The following DOCK5 variants were observed in gnomAD, a reference collection of about 807,000 sequenced individuals.
DOCK5 encodes the protein dedicator of cytokinesis 5, also known as dedicator of cytokinesis protein 5.
In DOCK5, 142 loss-of-function variants were observed where a neutral mutation model predicts 251.8. The ratio of observed to expected loss-of-function variants is 0.56; its 90% CI spans 0.49 to 0.65. The LOEUF (loss-of-function observed/expected upper bound fraction) is 0.65. Ranked by LOEUF, DOCK5 falls within the 30% of genes least tolerant of loss-of-function variation. The pLI is 0.00. For synonymous variants in DOCK5, 842 were observed against 835.5 expected (o/e 1.01, Z -0.13); for missense variants, 2,111 against 2,312.3 (o/e 0.91, Z 1.79).
chr8:25,385,838 A>G (rs944317628), intron 40 of DOCK5, among the ~76,000 whole-genome samples: 3 of 152,306 alleles, frequency 2.0e-5, no homozygotes, highest in Admixed American at 1.3e-4. Context: ...TTGGGGATGG[A>G]GTTACAATTT....
intron 6 of DOCK5, 122 bp downstream of exon 6, chr8:25,292,294 C>G: frequency 8.8e-7 from 1 of 1,137,322 alleles, no homozygotes; most frequent in Non-Finnish European, 1.2e-6. Flanking sequence ...GCTTACTGCT[C>G]TCATTTTGTC....
chr8:25,403,834 T>C, intron 48 of DOCK5, 110 bp downstream of exon 48: 1 of 1,139,078 alleles, frequency 8.8e-7, no homozygotes, highest in Non-Finnish European at 1.2e-6. Context: ...GTCATTCTCA[T>C]TGTCTTCCTC....
intron 3 of DOCK5, among the ~76,000 whole-genome samples, chr8:25,270,510 C>G (rs934653095): frequency 1.3e-5 from 2 of 152,010 alleles, no homozygotes; most frequent in South Asian, 4.2e-4. Flanking sequence ...AGTAAGAATA[C>G]TTATGTCACT....
intron 1 of DOCK5, among the ~76,000 whole-genome samples, chr8:25,218,883 G>A (rs1677330437): frequency 6.6e-6 from 1 of 152,196 alleles, no homozygotes; most frequent in African/African-American, 2.4e-5. Context: ...TCAAAATAAT[G>A]CATGCATATA....
rs1015641883 is a variant in DOCK5, at chr8:25,413,560, T to C, written c.*2262T>C. 2.0e-5 allele frequency: 3 copies of C among 152,162 alleles called. No individual in the cohort carries two copies. Among genetic ancestry groups the C allele is most frequent in the African/African-American group, 7.2e-5 (3 of 41,428 alleles). 9.4% of individuals were successfully genotyped at this position (152,162 alleles called of 1,614,324 possible). A position where few individuals can be genotyped will look rare whatever the true frequency, so the allele number is the denominator to read the frequency against. ...GGGGATTTGTGTGCCACACTCTACT[T>C]GCCGGGCTGCCATTAAAATAGAAAG... On this transcript the variant is annotated 3_prime_UTR_variant, in exon 52 of 52. Transcript: ENST00000276440.
intron 1 of DOCK5, among the ~76,000 whole-genome samples, chr8:25,234,371 T>A (rs1563318375): frequency 6.6e-6 from 1 of 152,208 alleles, no homozygotes. Context: ...TCACCTTTTG[T>A]TTCATAAGGA....
chr8:25,330,720 A>T (rs1805662247), intron 18 of DOCK5, among the ~76,000 whole-genome samples: 1 of 152,182 alleles, frequency 6.6e-6, no homozygotes, highest in African/African-American at 2.4e-5. Context: ...TATTTATGAA[A>T]AATACATGTG....
At chr8:25,357,078 G>T (rs560601385) in intron 27 of DOCK5, among the ~76,000 whole-genome samples, 1 of 151,820 alleles carries the variant, frequency 6.6e-6, no homozygotes, top group East Asian at 1.9e-4. Context: ...AATGAGTAAA[G>T]AATGGGTGCA....
intron 12 of DOCK5, among the ~76,000 whole-genome samples, chr8:25,309,652 T>C (rs1805039021): frequency 6.6e-6 from 1 of 152,212 alleles, no homozygotes; most frequent in Non-Finnish European, 1.5e-5. Flanking sequence ...TAGTTTTTAG[T>C]ATCTCCATAT....
chr8:25,378,477 GT>G (rs1586377813), intron 38 of DOCK5, among the ~76,000 whole-genome samples: 1 of 152,314 alleles, frequency 6.6e-6, no homozygotes, highest in East Asian at 1.9e-4. Flanking sequence ...ATTTTGAAGT[GT>G]TTCCCAATGG....
chr8:25,400,569 A>AT (rs1437030768), intron 46 of DOCK5, among the ~76,000 whole-genome samples: 2 of 150,340 alleles, frequency 1.3e-5, no homozygotes, highest in Non-Finnish European at 3.0e-5. Context: ...TGCTGGCCTC[A>AT]TTTTTTTCTC....
chr8:25,373,053 G>A (rs1339463996), intron 35 of DOCK5, among the ~76,000 whole-genome samples: 3 of 149,948 alleles, frequency 2.0e-5, no homozygotes, highest in South Asian at 4.2e-4. Context: ...GGGCTGGAGT[G>A]CAGTGGTGCG....
At chr8:25,251,983 ACT>A (rs890742667) in intron 2 of DOCK5, among the ~76,000 whole-genome samples, 8 of 113,206 alleles carry the variant, frequency 7.1e-5, no homozygotes, top group African/African-American at 2.9e-4. Context: ...ACACAGCAAG[ACT>A]CTATCTCAAA....
rs1586403373 is a variant in DOCK5 at position 25,408,288 on chromosome 8, T to C, written c.5265+134T>C. ...TTCAGGACTCAGCAGCCTGGGTTAG[T>C]GTCAGGTCGCAGATTGTGGTAAGGA... On this transcript the variant is annotated intron_variant, in intron 49 of 51. Coordinates refer to ENST00000276440, the MANE Select transcript of DOCK5 (RefSeq NM_024940.8). 1.6e-5 allele frequency: 15 copies of C among 966,148 alleles called. No individual in the cohort carries two copies. In the East Asian group the frequency reaches 3.7e-4, roughly 24 times the overall value. The allele number at this position is 966,148 out of a possible 1,614,324, so 59.8% of individuals were successfully genotyped here. A position where few individuals can be genotyped will look rare whatever the true frequency, so the allele number is the denominator to read the frequency against.
At chr8:25,392,491 T>C (rs1245126631) in intron 43 of DOCK5, among the ~76,000 whole-genome samples, 1 of 151,944 alleles carries the variant, frequency 6.6e-6, no homozygotes, top group Non-Finnish European at 1.5e-5. Flanking sequence ...AGACTAGGAG[T>C]CCAGAATCTG....
chr8:25,394,451 G>A (rs1213346027), intron 44 of DOCK5, among the ~76,000 whole-genome samples: 1 of 151,692 alleles, frequency 6.6e-6, no homozygotes, highest in African/African-American at 2.4e-5. Flanking sequence ...AATTCAGCCT[G>A]TATATTCGAA....
chr8:25,337,596 T>C (rs577783857), intron 22 of DOCK5, among the ~76,000 whole-genome samples: 2 of 150,806 alleles, frequency 1.3e-5, no homozygotes, highest in Admixed American at 1.3e-4. Context: ...TTTTTTTTTT[T>C]TTTTTTTGAG....
At chr8:25,348,903 C>T (rs1467232210) in intron 26 of DOCK5, among the ~76,000 whole-genome samples, 1 of 151,964 alleles carries the variant, frequency 6.6e-6, no homozygotes, top group East Asian at 1.9e-4. Context: ...TCTAAAGGCT[C>T]AGAGGAGCCT....
intron 40 of DOCK5, among the ~76,000 whole-genome samples, chr8:25,387,740 G>A (rs557253706): frequency 2.0e-5 from 3 of 152,154 alleles, no homozygotes; most frequent in South Asian, 4.2e-4. Flanking sequence ...TCCGCCCCTG[G>A]GCCTGACTCT....
Sources: gnomAD v4.1 joint callset for allele counts (sites outside exome capture counted in the v4.1 genomes callset) on GRCh38, gnomAD v4.1.1 for gene constraint, MANE v1.5 for transcripts, NCBI Gene and HGNC (gene_info 2026-07-23, HGNC 2026-07-21) for gene names.